The following CNTNAP4 variants were observed in gnomAD, a reference collection of about 807,000 sequenced individuals.
CNTNAP4 encodes the protein contactin associated protein family member 4, also known as contactin-associated protein-like 4.
CNTNAP4 carries 98 observed loss-of-function variants against 148.4 expected under a neutral mutation model. The observed-to-expected ratio is 0.66, with a 90% CI of 0.56 to 0.78. The LOEUF (loss-of-function observed/expected upper bound fraction) is 0.78. Among genes scored for constraint, CNTNAP4 ranks in the 30% least tolerant of loss-of-function variants. CNTNAP4 has a pLI of 0.00. For missense variants in CNTNAP4, 1,935 were observed against 1,565.6 expected (o/e 1.24, Z -3.98); for synonymous variants, 730 against 565.1 (o/e 1.29, Z -4.14).
intron 8 of CNTNAP4, among the ~76,000 whole-genome samples, chr16:76,460,264 C>T (rs553410389): frequency 5.3e-5 from 8 of 150,172 alleles, no homozygotes; most frequent in Admixed American, 1.3e-4. Flanking sequence ...TGTGCCATCA[C>T]GCCTGGCTAA....
chr16:76,466,111 C>T (rs2081168864), intron 9 of CNTNAP4, among the ~76,000 whole-genome samples: 1 of 152,224 alleles, frequency 6.6e-6, no homozygotes, highest in South Asian at 2.1e-4. Context: ...AATAACCACC[C>T]ATCTAGTCTC....
intron 3 of CNTNAP4, among the ~76,000 whole-genome samples, chr16:76,415,397 C>A (rs994384576): frequency 1.3e-5 from 2 of 150,868 alleles, no homozygotes; most frequent in East Asian, 3.9e-4. Flanking sequence ...TTTATAAGTT[C>A]TGCAATATCA....
chr16:76,513,969 C>T (rs1322200762), intron 15 of CNTNAP4, among the ~76,000 whole-genome samples: 3 of 152,120 alleles, frequency 2.0e-5, no homozygotes, highest in Non-Finnish European at 2.9e-5. Context: ...TGGTCCTCTT[C>T]TCTGATAAAT....
At chr16:76,404,612 G>T (rs1322533174) in intron 3 of CNTNAP4, among the ~76,000 whole-genome samples, 1 of 152,030 alleles carries the variant, frequency 6.6e-6, no homozygotes, top group Non-Finnish European at 1.5e-5. Context: ...TTGATAAATT[G>T]CTCTTAAGTT....
intron 7 of CNTNAP4, among the ~76,000 whole-genome samples, chr16:76,451,743 A>C (rs1256613294): frequency 2.0e-5 from 3 of 151,970 alleles, no homozygotes; most frequent in Non-Finnish European, 4.4e-5. Context: ...ATGATGCATA[A>C]GATCAAGCTG....
chr16:76,302,712 G>A (rs1428759), intron 1 of CNTNAP4, among the ~76,000 whole-genome samples: 44,702 of 151,920 alleles, frequency 0.29, 7,095 homozygotes, highest in Non-Finnish European at 0.35. Flanking sequence ...CTGATACCCC[G>A]TCATATTCAC....
chr16:76,525,697 AATAT>A (rs1568510851), intron 17 of CNTNAP4, among the ~76,000 whole-genome samples: 1 of 145,680 alleles, frequency 6.9e-6, no homozygotes, highest in Non-Finnish European at 1.5e-5. Flanking sequence ...ATTATAAACT[AATAT>A]ATATAAACTA....
chr16:76,362,237 CTGAAAGAAG>C (rs2013526726), intron 3 of CNTNAP4, among the ~76,000 whole-genome samples: 3 of 151,946 alleles, frequency 2.0e-5, no homozygotes. Flanking sequence ...CAAAACATTG[CTGAAAGAAG>C]TGAAAGAAGA....
At chr16:76,471,592 C>T (rs1228714668) in intron 10 of CNTNAP4, among the ~76,000 whole-genome samples, 2 of 152,142 alleles carry the variant, frequency 1.3e-5, no homozygotes, top group South Asian at 2.1e-4. Flanking sequence ...GTCCTCCATC[C>T]AGGCCCGTTG....
chr16:76,408,611 T>G (rs2078688038), intron 3 of CNTNAP4, among the ~76,000 whole-genome samples: 1 of 152,052 alleles, frequency 6.6e-6, no homozygotes, highest in African/African-American at 2.4e-5. Context: ...AATATTTGTG[T>G]GCAAATTCCT....
intron 18 of CNTNAP4, among the ~76,000 whole-genome samples, chr16:76,536,013 T>C (rs1053778265): frequency 6.6e-6 from 1 of 152,168 alleles, no homozygotes; most frequent in African/African-American, 2.4e-5. Flanking sequence ...ATTTGACTCA[T>C]TTATGAAAAA....
In CNTNAP4 at chr16:76,504,835, T is replaced by A. The variant is rs567631533; in HGVS notation, c.2365+6141T>A. On this transcript the variant is annotated intron_variant, in intron 15 of 23. Coordinates refer to ENST00000611870, the MANE Select transcript of CNTNAP4 (RefSeq NM_033401.5). ...TACACATCACAGAAAAAATATGGAT[T>A]TAAATAAACACAGTAAAGATCCTTA... is the stretch of plus-strand genomic sequence containing the variant. Among the ~76,000 whole-genome samples the A allele has an allele frequency of 2.1e-4, 32 of 152,194 alleles. No individual in the cohort carries two copies. The South Asian group carries it at 4.8e-3, about 23-fold the overall frequency.
chr16:76,477,825 A>G (rs1568333140), intron 11 of CNTNAP4, among the ~76,000 whole-genome samples: 1 of 152,116 alleles, frequency 6.6e-6, no homozygotes, highest in Non-Finnish European at 1.5e-5. Context: ...TCGACTATTC[A>G]TTTTAATTGT....
chr16:76,397,940 A>ATG (rs1567998629), intron 3 of CNTNAP4, among the ~76,000 whole-genome samples: 54 of 512 alleles, frequency 0.11, 8 homozygotes, highest in East Asian at 0.44. Flanking sequence ...CTAATAGATT[A>ATG]TATACATATA....
At chr16:76,540,516 TTATA>T (rs529711442) in intron 20 of CNTNAP4, among the ~76,000 whole-genome samples, 183 bp from the exon 21 acceptor site, 214 of 151,600 alleles carry the variant, frequency 1.4e-3, no homozygotes, top group African/African-American at 4.4e-3. Flanking sequence ...ATATTAATAA[TTATA>T]TAATAACACT....
At chr16:76,525,350 C>A (rs944889194) in intron 17 of CNTNAP4, among the ~76,000 whole-genome samples, 1 of 151,006 alleles carries the variant, frequency 6.6e-6, no homozygotes, top group South Asian at 2.1e-4. Context: ...CCAAAGAGTT[C>A]TGTGTCTTCC....
At chr16:76,496,232 A>G (rs1386959105) in intron 14 of CNTNAP4, among the ~76,000 whole-genome samples, 1 of 151,916 alleles carries the variant, frequency 6.6e-6, no homozygotes, top group Non-Finnish European at 1.5e-5. Context: ...CCCTTTTCTT[A>G]TCACTACTTT....
In CNTNAP4 at chr16:76,277,717, A is replaced by T; in HGVS notation, c.55A>T (p.Asn19Tyr). The stretch of plus-strand genomic sequence containing the variant: ...GACGCTACTTCTGTTATCTACTCAA[A>T]ATTGGAACAGAGTCGAAGCTGGGAA... ...LKTLLLLSTQNWNRVEAGNSY... is the reference protein window; with the variant it reads ...LKTLLLLSTQYWNRVEAGNSY... The change falls in exon 1 of 24, where the codon AAT (asparagine) becomes TAT (tyrosine). Residue 19 changes from asparagine (N) to tyrosine (Y), a missense_variant. Asn to Tyr is a moderately radical substitution (Grantham distance 143). Coordinates refer to ENST00000611870, the MANE Select transcript of CNTNAP4 (RefSeq NM_033401.5). 2 of 1,604,712 alleles carry T rather than the reference A, an allele frequency of 1.2e-6. No homozygotes were observed. Among genetic ancestry groups the T allele is most frequent in the African/African-American group, 2.7e-5 (2 of 74,934 alleles).
intron 14 of CNTNAP4, among the ~76,000 whole-genome samples, chr16:76,496,345 T>C (rs201248801): frequency 0.2 from 29,940 of 152,032 alleles, 3,252 homozygotes; most frequent in Admixed American, 0.32. Flanking sequence ...TCAATAACTC[T>C]CCAATGCCTC....
Sources: gnomAD v4.1 joint callset for allele counts (sites outside exome capture counted in the v4.1 genomes callset) on GRCh38, gnomAD v4.1.1 for gene constraint, MANE v1.5 for transcripts, NCBI Gene and HGNC (gene_info 2026-07-23, HGNC 2026-07-21) for gene names.